DOCK2: variants seen among roughly 807,000 people sequenced by gnomAD.
The protein encoded by DOCK2 is dedicator of cytokinesis 2, also known as dedicator of cytokinesis protein 2.
A neutral mutation model predicts 248.9 loss-of-function variants in DOCK2; 87 were observed. That is an observed-to-expected ratio of 0.35 (90% CI 0.29 to 0.42). The LOEUF (loss-of-function observed/expected upper bound fraction) is 0.42, where lower values mean the gene tolerates loss of function less well. Among genes scored for constraint, DOCK2 ranks in the 10% least tolerant of loss-of-function variants. The pLI is 1.00. For missense variants in DOCK2, 1,747 were observed against 2,300.2 expected (o/e 0.76, Z 4.92); for synonymous variants, 805 against 821.6 (o/e 0.98, Z 0.35).
chr5:169,944,087 T>C (rs745725491), intron 27 of DOCK2, among the ~76,000 whole-genome samples: 1 of 152,210 alleles, frequency 6.6e-6, no homozygotes, highest in Non-Finnish European at 1.5e-5. Context: ...GCACTTTACC[T>C]GGATTATGTC....
chr5:169,901,212 C>T (rs377558359), intron 27 of DOCK2, among the ~76,000 whole-genome samples: 15 of 152,016 alleles, frequency 9.9e-5, no homozygotes, highest in South Asian at 2.1e-4. Flanking sequence ...TCCAGGCAAA[C>T]GAACATTGTG....
At chr5:169,774,345 G>T (rs12659279) in intron 25 of DOCK2, among the ~76,000 whole-genome samples, 1 of 152,120 alleles carries the variant, frequency 6.6e-6, no homozygotes, top group Non-Finnish European at 1.5e-5. Context: ...TAATTAACTA[G>T]TTTAATTATC....
intron 8 of DOCK2, among the ~76,000 whole-genome samples, chr5:169,688,726 T>C (rs1561601744): frequency 6.6e-6 from 1 of 152,206 alleles, no homozygotes; most frequent in Non-Finnish European, 1.5e-5. Context: ...TAAACAGTTA[T>C]TTAATTGTAT....
chr5:169,787,961 G>A (rs901012853), intron 25 of DOCK2, among the ~76,000 whole-genome samples: 3 of 151,866 alleles, frequency 2.0e-5, no homozygotes, highest in Admixed American at 6.6e-5. Flanking sequence ...GGGGGCAGCC[G>A]CATCCACTGT....
intron 23 of DOCK2, among the ~76,000 whole-genome samples, chr5:169,753,465 G>T (rs930388831): frequency 2.7e-5 from 4 of 148,190 alleles, no homozygotes; most frequent in East Asian, 2.0e-4. Context: ...CGGAGATAAA[G>T]ACTATATGCA....
rs114521873 is a variant in DOCK2, at chr5:169,812,157, C to G, written c.2703+8951C>G. ...AGCAGCTGGAGAGCGAGTAAAACTT[C>G]ATCTGTATTTACAGTCACTCCGCAT... On this transcript the variant is annotated intron_variant, in intron 26 of 51. Coordinates refer to ENST00000520908, the MANE Select transcript of DOCK2 (RefSeq NM_004946.3). Among the ~76,000 whole-genome samples, 639 of 152,330 alleles carry G rather than the reference C, an allele frequency of 4.2e-3. 6 individuals carry two copies. Among genetic ancestry groups the G allele is most frequent in the African/African-American group, 0.014 (573 of 41,584 alleles).
intron 44 of DOCK2, 150 bp downstream of exon 44, chr5:170,057,816 A>G (rs1757187121): frequency 4.7e-6 from 3 of 633,946 alleles, no homozygotes; most frequent in Non-Finnish European, 7.5e-6. Flanking sequence ...GGCAGCATTC[A>G]GAATAGTGCC....
At chr5:169,798,687 C>T (rs111867355) in intron 25 of DOCK2, among the ~76,000 whole-genome samples, 2,018 of 152,262 alleles carry the variant, frequency 0.013, 26 homozygotes, top group Middle Eastern at 0.048. Context: ...CTGTTGGCTC[C>T]GTGCAGTGCT....
chr5:169,967,603 A>C (rs1777350117), intron 27 of DOCK2, among the ~76,000 whole-genome samples: 1 of 152,174 alleles, frequency 6.6e-6, no homozygotes, highest in Non-Finnish European at 1.5e-5. Context: ...TCTGTGAGTA[A>C]GTGGAGTCTA....
At position 169,781,160 on chromosome 5, in the gene DOCK2, C is replaced by G. The variant is rs140573163; in HGVS notation, c.2554+19535C>G. ...GGCCATGTGGACATGCTAAATGAAC[C>G]TGATGCACATGTCTTTGGAATGTGG... On this transcript the variant is annotated intron_variant, in intron 25 of 51. Coordinates refer to ENST00000520908, the MANE Select transcript of DOCK2 (RefSeq NM_004946.3). Among the ~76,000 whole-genome samples the G allele has an allele frequency of 2.6e-5, 4 of 152,154 alleles. No individual in the cohort carries two copies. The East Asian group carries it at 5.8e-4, about 22-fold the overall frequency.
At chr5:169,974,181 G>A (rs1178975482) in intron 27 of DOCK2, among the ~76,000 whole-genome samples, 1 of 152,080 alleles carries the variant, frequency 6.6e-6, no homozygotes, top group Non-Finnish European at 1.5e-5. Flanking sequence ...CTGTTCGTTG[G>A]TTTTCTTATC....
At chr5:170,076,241 C>A (rs958388181) in intron 47 of DOCK2, among the ~76,000 whole-genome samples, 157 bp downstream of exon 47, 1 of 152,124 alleles carries the variant, frequency 6.6e-6, no homozygotes. Flanking sequence ...CAGGGGAACC[C>A]TCCTGGAAAC....
intron 25 of DOCK2, among the ~76,000 whole-genome samples, chr5:169,784,341 G>C (rs2113020994): frequency 6.6e-6 from 1 of 152,208 alleles, no homozygotes; most frequent in East Asian, 1.9e-4. Flanking sequence ...GTGGCTCCTT[G>C]GAGAAACTGC....
At chr5:169,975,674 G>A (rs867571407) in intron 27 of DOCK2, among the ~76,000 whole-genome samples, 19 of 152,294 alleles carry the variant, frequency 1.2e-4, no homozygotes, top group South Asian at 8.3e-4. Context: ...ATTGAAAATA[G>A]GGCAGATACT....
intron 27 of DOCK2, among the ~76,000 whole-genome samples, chr5:169,975,534 G>A (rs1402011749): frequency 6.6e-6 from 1 of 152,066 alleles, no homozygotes; most frequent in Non-Finnish European, 1.5e-5. Context: ...CAGCTCCTCC[G>A]ACGCTCCAAG....
rs1308896677 is a variant in DOCK2, at chr5:169,892,930, GGCTCC to G, written c.2799+52079_2799+52083del. ...TCTTCTCTTCTGTTTTCTCCAGCATGGCTCCCCATTTCATTTCTCCCCTCTCCTCC... is the reference window on the plus strand; with the variant it reads ...TCTTCTCTTCTGTTTTCTCCAGCATGCCATTTCATTTCTCCCCTCTCCTCC... On this transcript the variant is annotated intron_variant, in intron 27 of 51. Coordinates refer to ENST00000520908, the MANE Select transcript of DOCK2 (RefSeq NM_004946.3). Among the ~76,000 whole-genome samples, 443 of 151,918 alleles carry G rather than the reference GGCTCC, an allele frequency of 2.9e-3. 5 individuals carry two copies. Among genetic ancestry groups the G allele is most frequent in the African/African-American group, 0.01 (418 of 41,428 alleles).
intron 27 of DOCK2, among the ~76,000 whole-genome samples, chr5:169,926,753 T>A (rs888712): frequency 0.51 from 78,199 of 152,094 alleles, 20,656 homozygotes; most frequent in African/African-American, 0.65. Context: ...GAGGTGAAGT[T>A]TGGCTGGATG....
intron 25 of DOCK2, among the ~76,000 whole-genome samples, chr5:169,789,064 C>T (rs2011395): frequency 0.45 from 68,273 of 151,994 alleles, 16,817 homozygotes; most frequent in Middle Eastern, 0.58. Flanking sequence ...CATCATTTAG[C>T]TCCCACTTAT....
chr5:170,075,126 T>C (rs2113874052), intron 46 of DOCK2, among the ~76,000 whole-genome samples: 1 of 152,326 alleles, frequency 6.6e-6, no homozygotes, highest in Admixed American at 6.5e-5. Context: ...TATGTCACCA[T>C]CATGAAAGCA....
Sources: allele counts gnomAD v4.1 joint callset (sites outside exome capture counted in the v4.1 genomes callset), GRCh38; gene constraint gnomAD v4.1.1; transcripts MANE v1.5; gene names NCBI Gene and HGNC (gene_info 2026-07-23, HGNC 2026-07-21).